The following GUCY1A2 variants were observed in gnomAD, a reference collection of about 807,000 sequenced individuals.
GUCY1A2 encodes the protein guanylate cyclase soluble subunit alpha-2.
A neutral mutation model predicts 63.5 loss-of-function variants in GUCY1A2; 27 were observed. That is an observed-to-expected ratio of 0.43 (90% CI 0.31 to 0.59). GUCY1A2 has a LOEUF of 0.59. Among genes scored for constraint, GUCY1A2 ranks in the 20% least tolerant of loss-of-function variants. The probability of loss-of-function intolerance (pLI) is 0.11; values close to 1 mark genes in which losing one functional copy is unlikely to be tolerated. For missense variants in GUCY1A2, 768 were observed against 913.3 expected (o/e 0.84, Z 2.05); for synonymous variants, 364 against 343.5 (o/e 1.06, Z -0.66).
intron 4 of GUCY1A2, among the ~76,000 whole-genome samples, chr11:106,903,256 C>A (rs1181396135): frequency 6.6e-6 from 1 of 152,026 alleles, no homozygotes; most frequent in Non-Finnish European, 1.5e-5. Context: ...CACAGCCAGT[C>A]AATTTCATTC....
Position 106,978,754 on chromosome 11 carries a change from A to C in GUCY1A2, c.366-14T>G. 6.3e-7 allele frequency: 1 copy of C among 1,585,884 alleles called. No homozygotes were observed. The highest frequency in any genetic ancestry group is 8.6e-7 in the Non-Finnish European group (1 of 1,167,358). On this transcript the variant is annotated splice_polypyrimidine_tract_variant and intron_variant, in intron 2 of 7. Coordinates refer to ENST00000526355, the MANE Select transcript of GUCY1A2 (RefSeq NM_000855.3). Reference sequence around the variant, plus strand: ...GCATCCCTGTAACTAAGAAGAAAACAAAATTAGCATAAGGAGAAATTTTTG... The same window carrying C: ...GCATCCCTGTAACTAAGAAGAAAACCAAATTAGCATAAGGAGAAATTTTTG...
chr11:106,907,093 C>T (rs1432533773), intron 4 of GUCY1A2, among the ~76,000 whole-genome samples: 1 of 151,756 alleles, frequency 6.6e-6, no homozygotes, highest in Non-Finnish European at 1.5e-5. Context: ...AATAAAAAGA[C>T]CACTTGCCTA....
chr11:106,766,230 TAGGAAC>T (rs368634496), intron 6 of GUCY1A2, among the ~76,000 whole-genome samples: 2 of 152,070 alleles, frequency 1.3e-5, no homozygotes, highest in African/African-American at 4.8e-5. Context: ...AATTCAATTG[TAGGAAC>T]AGAAAAATAC....
chr11:106,693,020 G>T (rs1274025395), intron 7 of GUCY1A2, among the ~76,000 whole-genome samples: 2 of 152,182 alleles, frequency 1.3e-5, no homozygotes, highest in African/African-American at 4.8e-5. Flanking sequence ...CAACTGGAAA[G>T]ATCTGTGTAA....
rs1021481276 is a variant in GUCY1A2 at position 106,679,576 on chromosome 11, A to T, written c.*7973T>A. On this transcript the variant is annotated 3_prime_UTR_variant, in exon 8 of 8. Transcript: ENST00000526355. ...TTATTTAATGTCAGAACAACAACAA[A>T]TGTTTTTAAATGATTCATAAGACAA... The T allele has an allele frequency of 9.3e-5, 19 of 204,786 alleles. No individual in the cohort carries two copies. The highest frequency in any genetic ancestry group is 4.3e-4 in the African/African-American group (19 of 43,714). The allele number at this position is 204,786 out of a possible 1,614,324, so 12.7% of individuals were successfully genotyped here. A position where few individuals can be genotyped will look rare whatever the true frequency, so the allele number is the denominator to read the frequency against.
chr11:106,997,766 G>A (rs530321604), intron 1 of GUCY1A2, among the ~76,000 whole-genome samples: 11 of 152,216 alleles, frequency 7.2e-5, no homozygotes, highest in African/African-American at 2.6e-4. Context: ...TTTGGGCCTT[G>A]GTTCCTTCAC....
intron 3 of GUCY1A2, among the ~76,000 whole-genome samples, chr11:106,958,457 A>C (rs1861018471): frequency 6.6e-6 from 1 of 152,220 alleles, no homozygotes; most frequent in Admixed American, 6.5e-5. Context: ...ACCCTCATAT[A>C]CTAGGTGGTG....
chr11:106,800,884 TAA>T (rs879841776), intron 5 of GUCY1A2, among the ~76,000 whole-genome samples: 5 of 141,468 alleles, frequency 3.5e-5, no homozygotes, highest in African/African-American at 7.7e-5. Context: ...ACTTAAAGTA[TAA>T]AAAAAAAAAA....
At chr11:106,841,179 C>T (rs1301740468) in intron 4 of GUCY1A2, among the ~76,000 whole-genome samples, 1 of 151,780 alleles carries the variant, frequency 6.6e-6, no homozygotes, top group East Asian at 1.9e-4. Context: ...TACTAGTACG[C>T]CCCTGCAAAC....
intron 4 of GUCY1A2, among the ~76,000 whole-genome samples, chr11:106,817,304 C>T (rs1316578398): frequency 1.3e-5 from 2 of 152,044 alleles, no homozygotes; most frequent in African/African-American, 4.8e-5. Context: ...CAAAGTTTAT[C>T]CTTTAAGCTT....
At chr11:107,013,124 C>G (rs936754105) in intron 1 of GUCY1A2, among the ~76,000 whole-genome samples, 1 of 151,984 alleles carries the variant, frequency 6.6e-6, no homozygotes, top group South Asian at 2.1e-4. Context: ...TTCCTCTTCA[C>G]TAGTCTCTGT....
At chr11:106,934,005 T>G (rs543768039) in intron 4 of GUCY1A2, among the ~76,000 whole-genome samples, 1 of 152,116 alleles carries the variant, frequency 6.6e-6, no homozygotes, top group Non-Finnish European at 1.5e-5. Context: ...GCTTAGGACC[T>G]GGGTGAGGGG....
intron 7 of GUCY1A2, among the ~76,000 whole-genome samples, chr11:106,699,057 C>A (rs1054486388): frequency 1.4e-4 from 21 of 152,150 alleles, no homozygotes; most frequent in Non-Finnish European, 5.9e-5. Context: ...AACAGTAATA[C>A]TTTTATCTAT....
intron 4 of GUCY1A2, among the ~76,000 whole-genome samples, chr11:106,885,416 G>A (rs766497571): frequency 1.3e-5 from 2 of 152,110 alleles, no homozygotes; most frequent in Non-Finnish European, 2.9e-5. Context: ...TCTGACCATG[G>A]CCAAGATACC....
chr11:106,901,537 A>G (rs1860132715), intron 4 of GUCY1A2, among the ~76,000 whole-genome samples: 1 of 152,120 alleles, frequency 6.6e-6, no homozygotes, highest in East Asian at 1.9e-4. Context: ...GTACATGTGC[A>G]CAACATGCAG....
chr11:106,802,123 G>T (rs1050076959), intron 5 of GUCY1A2, among the ~76,000 whole-genome samples: 1 of 152,086 alleles, frequency 6.6e-6, no homozygotes, highest in African/African-American at 2.4e-5. Context: ...GTTTTAAAAA[G>T]GTAATAGAAA....
At chr11:106,776,641 T>G in intron 5 of GUCY1A2, 59 bp from the exon 6 acceptor site, 1 of 1,490,250 alleles carries the variant, frequency 6.7e-7, no homozygotes, top group South Asian at 1.2e-5. Flanking sequence ...AGAGAAATGA[T>G]TAGTTATCTG....
At chr11:106,894,235 A>G (rs1227918357) in intron 4 of GUCY1A2, among the ~76,000 whole-genome samples, 2 of 152,174 alleles carry the variant, frequency 1.3e-5, no homozygotes, top group Non-Finnish European at 2.9e-5. Flanking sequence ...AAAGGGGTCA[A>G]TTTTCCAGAA....
intron 3 of GUCY1A2, among the ~76,000 whole-genome samples, chr11:106,948,900 T>C (rs894475995): frequency 6.6e-6 from 1 of 152,106 alleles, no homozygotes; most frequent in Non-Finnish European, 1.5e-5. Flanking sequence ...TCAATTAAGA[T>C]CGTACAATGC....
Sources: allele counts gnomAD v4.1 joint callset (sites outside exome capture counted in the v4.1 genomes callset), GRCh38; gene constraint gnomAD v4.1.1; transcripts MANE v1.5; gene names NCBI Gene and HGNC (gene_info 2026-07-23, HGNC 2026-07-21).